The following MAPK4 variants were observed in gnomAD, a reference collection of about 807,000 sequenced individuals.
MAPK4 encodes the protein Erk3-related.
Under a neutral mutation model 47.7 loss-of-function variants are expected in MAPK4, and 22 were observed. That is an observed-to-expected ratio of 0.46 (90% CI 0.33 to 0.66). MAPK4 has a LOEUF of 0.66. Ranked by LOEUF, MAPK4 falls within the 30% of genes least tolerant of loss-of-function variation. The probability of loss-of-function intolerance (pLI) is 0.02; values close to 1 mark genes in which losing one functional copy is unlikely to be tolerated. For missense variants in MAPK4, 736 were observed against 831.7 expected, an observed-to-expected ratio of 0.88 and a Z score of 1.42; for synonymous variants, 390 against 365.7, an observed-to-expected ratio of 1.07 and a Z score of -0.76.
At chr18:50,715,057 A>G in intron 2 of MAPK4, 22 bp from the exon 3 acceptor site, 1 of 1,611,880 alleles carries the variant, frequency 6.2e-7, no homozygotes, top group Non-Finnish European at 8.5e-7. Flanking sequence ...TGATCAGTGG[A>G]ACCAGAAATT....
At position 50,664,286 on chromosome 18, in the gene MAPK4, A is replaced by C; in HGVS notation, c.328A>C (p.Thr110Pro). 1.2e-6 allele frequency: 2 copies of C among 1,613,376 alleles called. No individual in the cohort carries two copies. The highest frequency in any genetic ancestry group is 1.7e-6 in the Non-Finnish European group (2 of 1,179,650). The change falls in exon 2 of 6, where the codon ACC (threonine) becomes CCC (proline). Residue 110 changes from threonine (T) to proline (P), a missense_variant. Physicochemically the swap from Thr to Pro is conservative, Grantham distance 38 (BLOSUM62 -1). Around this residue, in one of 3 missense-constraint regions of MAPK4, gnomAD observed 327 missense variants for 395.4 expected, o/e 0.83. Coordinates refer to ENST00000400384, the MANE Select transcript of MAPK4 (RefSeq NM_002747.4). The surrounding 1 kb of genome is among the most constrained non-coding windows in gnomAD (Gnocchi z 6.0). ...VAYIVQEYME[T>P]DLARLLEQGT... ...GTACATCGTCCAGGAGTACATGGAG[A>C]CCGACCTGGCACGCCTGCTGGAGCA...
chr18:50,590,026 A>G (rs930028585), intron 1 of MAPK4, among the ~76,000 whole-genome samples: 3 of 152,226 alleles, frequency 2.0e-5, no homozygotes, highest in Non-Finnish European at 2.9e-5. Context: ...TTCCCTGCAA[A>G]AAGAAGGAAA....
intron 1 of MAPK4, among the ~76,000 whole-genome samples, chr18:50,599,444 G>A (rs553120977): frequency 1.8e-4 from 27 of 151,962 alleles, no homozygotes; most frequent in Non-Finnish European, 3.1e-4. Context: ...ATTTTGAGAC[G>A]GAGTCCCGCT....
chr18:50,584,683 C>T (rs1448461989), intron 1 of MAPK4, among the ~76,000 whole-genome samples: 1 of 152,176 alleles, frequency 6.6e-6, no homozygotes, highest in African/African-American at 2.4e-5. Flanking sequence ...CCGCCTATGA[C>T]AGAAGAATCT....
At chr18:50,688,977 GGCCTGGTGCGGTGGCTCAC>G (rs1268797935) in intron 2 of MAPK4, among the ~76,000 whole-genome samples, 1 of 151,928 alleles carries the variant, frequency 6.6e-6, no homozygotes, top group African/African-American at 2.4e-5. Flanking sequence ...CTATCCTGCT[GGCCTGGTGCGGTGGCTCAC>G]GCCTGTAATC....
chr18:50,589,595 CAAAA>C (rs35570696), intron 1 of MAPK4, among the ~76,000 whole-genome samples: 2 of 116,456 alleles, frequency 1.7e-5, no homozygotes, highest in Non-Finnish European at 3.5e-5. Context: ...GACTCCGTCT[CAAAA>C]AAAAAAAAAA....
chr18:50,632,028 G>A (rs916585795), intron 1 of MAPK4, among the ~76,000 whole-genome samples: 2 of 152,154 alleles, frequency 1.3e-5, no homozygotes, highest in African/African-American at 2.4e-5. Context: ...GTGGGTGGCC[G>A]TGAGAAAGGC....
chr18:50,661,349 G>A (rs1414474798), intron 1 of MAPK4, among the ~76,000 whole-genome samples: 1 of 152,178 alleles, frequency 6.6e-6, no homozygotes, highest in Admixed American at 6.5e-5. Context: ...CGCTAGCACA[G>A]GCCATAGAAT....
intron 1 of MAPK4, among the ~76,000 whole-genome samples, chr18:50,602,134 T>A (rs2042546525): frequency 6.6e-6 from 1 of 152,260 alleles, no homozygotes; most frequent in African/African-American, 2.4e-5. Context: ...TATAGAAATA[T>A]GATTCCATAG....
At chr18:50,679,998 C>G (rs1908494097) in intron 2 of MAPK4, among the ~76,000 whole-genome samples, 1 of 152,022 alleles carries the variant, frequency 6.6e-6, no homozygotes, top group African/African-American at 2.4e-5. Context: ...GCTCGCCGCC[C>G]CACACACAGC....
intron 1 of MAPK4, among the ~76,000 whole-genome samples, chr18:50,628,000 G>A (rs1008367739): frequency 2.6e-4 from 40 of 152,100 alleles, no homozygotes; most frequent in Middle Eastern, 3.2e-3. Context: ...TGTCATCAGG[G>A]AATAAGCTCC....
intron 1 of MAPK4, among the ~76,000 whole-genome samples, chr18:50,620,503 C>T (rs2042722354): frequency 6.6e-6 from 1 of 152,220 alleles, no homozygotes; most frequent in Non-Finnish European, 1.5e-5. Context: ...TGCATGAGAT[C>T]ACTCTGGCCC....
intron 2 of MAPK4, among the ~76,000 whole-genome samples, chr18:50,665,473 G>A (rs566105460): frequency 6.6e-6 from 1 of 152,348 alleles, no homozygotes; most frequent in South Asian, 2.1e-4. Flanking sequence ...CTTGGGATTA[G>A]GTGTACAGTA....
At chr18:50,611,148 G>A (rs543489147) in intron 1 of MAPK4, among the ~76,000 whole-genome samples, 179 of 152,304 alleles carry the variant, frequency 1.2e-3, no homozygotes, top group African/African-American at 4.0e-3. Context: ...GTGACAAAAT[G>A]TCTCAAATTT....
chr18:50,645,295 G>A (rs887416945), intron 1 of MAPK4, among the ~76,000 whole-genome samples: 6 of 152,086 alleles, frequency 3.9e-5, no homozygotes, highest in East Asian at 1.9e-4. Context: ...GAATGCCAAC[G>A]CGCTGTCCAT....
chr18:50,611,462 G>C (rs1180190963), intron 1 of MAPK4, among the ~76,000 whole-genome samples: 1 of 152,232 alleles, frequency 6.6e-6, no homozygotes, highest in Non-Finnish European at 1.5e-5. Flanking sequence ...ATCTGCAACA[G>C]AGAAATCACC....
chr18:50,730,037 T>A lies in MAPK4; in HGVS notation c.*183T>A. On this transcript the variant is annotated 3_prime_UTR_variant, in exon 6 of 6. Transcript: ENST00000400384. ...CTGCCTTAATAACTAGCCTTTAACC[T>A]GTGGGAGCGGGTTTGAACAGGACCC... is the stretch of plus-strand genomic sequence containing the variant. The A allele has an allele frequency of 1.7e-6, 1 of 596,918 alleles. No individual in the cohort carries two copies. Among genetic ancestry groups the A allele is most frequent in the Non-Finnish European group, 2.7e-6 (1 of 366,984 alleles). The allele number at this position is 596,918 out of a possible 1,614,324, so 37.0% of individuals were successfully genotyped here.
At chr18:50,598,611 A>C (rs1043157944) in intron 1 of MAPK4, among the ~76,000 whole-genome samples, 1 of 152,256 alleles carries the variant, frequency 6.6e-6, no homozygotes, top group Non-Finnish European at 1.5e-5. Context: ...TTCATAATTC[A>C]TGCCTTAGGC....
intron 1 of MAPK4, among the ~76,000 whole-genome samples, chr18:50,655,466 A>G (rs1344486762): frequency 6.6e-6 from 1 of 152,174 alleles, no homozygotes; most frequent in Non-Finnish European, 1.5e-5. Flanking sequence ...AGGAGCAGCC[A>G]TCTGCCCATA....
Sources: allele counts gnomAD v4.1 joint callset (sites outside exome capture counted in the v4.1 genomes callset), GRCh38; gene constraint gnomAD v4.1.1; regional missense constraint gnomAD v4.1.1; non-coding constraint Gnocchi (gnomAD v3.1); transcripts MANE v1.5; gene names NCBI Gene and HGNC (gene_info 2026-07-23, HGNC 2026-07-21).